The following FRY variants were observed in gnomAD, a reference collection of about 807,000 sequenced individuals.
The protein encoded by FRY is FRY microtubule binding protein.
FRY carries 128 observed loss-of-function variants against 348.4 expected under a neutral mutation model. The ratio of observed to expected loss-of-function variants is 0.37; its 90% CI spans 0.32 to 0.43. FRY has a LOEUF of 0.43. Ranked by LOEUF, FRY falls within the 20% of genes least tolerant of loss-of-function variation. FRY has a pLI of 1.00. For synonymous variants in FRY, 1,370 were observed against 1,374.7 expected, an observed-to-expected ratio of 1.00 and a Z score of 0.08; for missense variants, 2,736 against 3,695.2, an observed-to-expected ratio of 0.74 and a Z score of 6.73.
chr13:32,215,387 C>A (rs1393084878), intron 35 of FRY, among the ~76,000 whole-genome samples: 2 of 151,876 alleles, frequency 1.3e-5, no homozygotes, highest in African/African-American at 4.8e-5. Flanking sequence ...TCACATCTAC[C>A]CTGAAAAATG....
intron 46 of FRY, among the ~76,000 whole-genome samples, chr13:32,242,338 C>T (rs1394915877): frequency 2.0e-5 from 3 of 152,080 alleles, no homozygotes; most frequent in Non-Finnish European, 2.9e-5. Context: ...TAAAGATCCC[C>T]CCATTTGTAA....
chr13:32,194,178 A>T lies in FRY; in HGVS notation c.3627A>T (p.Leu1209=). Residue 1209 remains leucine, a synonymous_variant, in exon 29 of 61, where the codon CTA becomes CTT. Coordinates refer to ENST00000542859, the MANE Select transcript of FRY (RefSeq NM_023037.3). The part of the protein sequence containing the change: ...HQLGCEVVVL[L]LELNPDQINL... Reference sequence around the variant, plus strand: ...TTGGCTGCGAAGTTGTTGTCTTGCTACTGGAACTTAATCCTGACCAAATAA... The same window carrying T: ...TTGGCTGCGAAGTTGTTGTCTTGCTTCTGGAACTTAATCCTGACCAAATAA... The T allele has an allele frequency of 6.2e-7, 1 of 1,614,040 alleles. No individual in the cohort carries two copies. Among genetic ancestry groups the T allele is most frequent in the Non-Finnish European group, 8.5e-7 (1 of 1,179,894 alleles).
chr13:32,134,426 A>G (rs879739595), intron 8 of FRY, among the ~76,000 whole-genome samples: 1 of 152,230 alleles, frequency 6.6e-6, no homozygotes, highest in African/African-American at 2.4e-5. Context: ...CGAACAAGTA[A>G]ACAGCTCTGT....
At chr13:32,199,708 G>A (rs1883892207) in intron 29 of FRY, among the ~76,000 whole-genome samples, 5 of 152,136 alleles carry the variant, frequency 3.3e-5, no homozygotes, top group Admixed American at 2.6e-4. Flanking sequence ...GAATCTTTTA[G>A]AAGAAAAATA....
intron 58 of FRY, among the ~76,000 whole-genome samples, chr13:32,284,027 G>A (rs1182611922): frequency 2.6e-5 from 4 of 152,222 alleles, no homozygotes; most frequent in East Asian, 1.9e-4. Flanking sequence ...TCTGCAGGCA[G>A]TGGCTTTAGT....
chr13:32,202,333 T>C, intron 30 of FRY, 23 bp from the exon 31 acceptor site: 1 of 1,598,728 alleles, frequency 6.3e-7, no homozygotes. Context: ...ATACTACTTT[T>C]TTACTTTCCT....
chr13:32,038,357 C>T (rs574195051), intron 1 of FRY: 33 of 152,178 alleles, frequency 2.2e-4, no homozygotes, highest in African/African-American at 7.5e-4. Flanking sequence ...TACGATTTTC[C>T]GAATTTATTT....
Position 32,234,792 on chromosome 13 carries a change from A to G in FRY, c.5715+31A>G, listed in dbSNP as rs904396683. On this transcript the variant is annotated intron_variant, in intron 42 of 60. Transcript: ENST00000542859. ...GAAGGGAAGACCACTGAGCTCGTGAAGGATGAGCTCTCTCATCTCAATGAG... is the reference window on the plus strand; with the variant it reads ...GAAGGGAAGACCACTGAGCTCGTGAGGGATGAGCTCTCTCATCTCAATGAG... The G allele has an allele frequency of 3.2e-6, 5 of 1,539,458 alleles. No homozygotes were observed. In the African/African-American group the frequency reaches 6.8e-5, roughly 21 times the overall value.
At chr13:32,260,430 C>T (rs1262894993) in intron 51 of FRY, among the ~76,000 whole-genome samples, 1 of 151,900 alleles carries the variant, frequency 6.6e-6, no homozygotes, top group Admixed American at 6.6e-5. Context: ...AACCCAAATC[C>T]ATTTCTAGAA....
intron 1 of FRY, among the ~76,000 whole-genome samples, chr13:32,039,016 A>G (rs1019644685): frequency 6.6e-6 from 1 of 152,170 alleles, no homozygotes; most frequent in Non-Finnish European, 1.5e-5. Context: ...CCAGGACTTC[A>G]GGGATCCTAG....
At chr13:32,097,650 C>T (rs1217519017) in intron 2 of FRY, among the ~76,000 whole-genome samples, 1 of 151,682 alleles carries the variant, frequency 6.6e-6, no homozygotes, top group African/African-American at 2.4e-5. Flanking sequence ...CATAAGCCAC[C>T]GTGCCCGGCC....
rs1211230013 is a variant in FRY, at chr13:32,295,892, TTTC to T, written c.*435_*437del. The stretch of plus-strand genomic sequence containing the variant: ...CTTTCCCTGTCTTGTTCCATTTTCT[TTTC>T]TTTTTTCTTTTTTCTTTTTCCTTTC... On this transcript the variant is annotated 3_prime_UTR_variant, in exon 61 of 61. Coordinates refer to ENST00000542859, the MANE Select transcript of FRY (RefSeq NM_023037.3). The T allele has an allele frequency of 4.2e-5, 7 of 168,024 alleles. No individual in the cohort carries two copies. The highest frequency in any genetic ancestry group is 1.7e-4 in the African/African-American group (7 of 41,738). The allele number at this position is 168,024 out of a possible 1,614,324, so 10.4% of individuals were successfully genotyped here.
intron 47 of FRY, among the ~76,000 whole-genome samples, chr13:32,245,563 G>C (rs1196895839): frequency 6.6e-6 from 1 of 152,130 alleles, no homozygotes; most frequent in Non-Finnish European, 1.5e-5. Context: ...ACAGTGAACT[G>C]TGATCACACC....
intron 1 of FRY, among the ~76,000 whole-genome samples, chr13:32,038,785 A>G (rs1163815897): frequency 6.6e-6 from 1 of 152,154 alleles, no homozygotes; most frequent in Non-Finnish European, 1.5e-5. Flanking sequence ...TTACTACCTA[A>G]GCATTAATTT....
In FRY at chr13:32,194,234, A is replaced by G. The variant is rs768385441; in HGVS notation, c.3683A>G (p.Tyr1228Cys). The change falls in exon 29 of 61, where the codon TAC (tyrosine) becomes TGC (cysteine). Residue 1228 changes from tyrosine (Y) to cysteine (C), a missense_variant. Around this residue, in one of 9 missense-constraint regions of FRY, gnomAD observed 794 missense variants for 977.0 expected, o/e 0.81. Coordinates refer to ENST00000542859, the MANE Select transcript of FRY (RefSeq NM_023037.3). ...TTTAACTGGGCAATTGACCGATGCT[A>G]CACAGGTTCCTACCAACTTGCATCT... ...NLFNWAIDRC[Y>C]TGSYQLASGC... is the part of the protein sequence containing the mutation. 6.2e-7 allele frequency: 1 copy of G among 1,614,116 alleles called. No individual in the cohort carries two copies. The highest frequency in any genetic ancestry group is 8.5e-7 in the Non-Finnish European group (1 of 1,179,946).
At chr13:32,067,722 G>A (rs761125653) in intron 1 of FRY, among the ~76,000 whole-genome samples, 17 of 152,176 alleles carry the variant, frequency 1.1e-4, no homozygotes, top group Non-Finnish European at 2.2e-4. Context: ...AGGTAAGGAC[G>A]CTGAAGCCCA....
At chr13:32,138,006 T>C (rs542036823) in intron 11 of FRY, among the ~76,000 whole-genome samples, 15 of 152,310 alleles carry the variant, frequency 9.8e-5, no homozygotes, top group African/African-American at 3.6e-4. Context: ...TTTCTTCAAA[T>C]TGGCAGTGAA....
intron 60 of FRY, among the ~76,000 whole-genome samples, chr13:32,294,963 T>A (rs182574388): frequency 9.2e-5 from 14 of 152,356 alleles, no homozygotes; most frequent in Non-Finnish European, 1.9e-4. Context: ...GATATTTTTA[T>A]ACTTTTGATA....
intron 1 of FRY, 22 bp downstream of exon 1, chr13:32,031,887 TTTTG>T (rs772549223): frequency 2.3e-5 from 30 of 1,317,818 alleles, no homozygotes; most frequent in South Asian, 4.7e-5. Context: ...AAAATAACCT[TTTTG>T]TTTGTTTGTT....
Sources: gnomAD v4.1 joint callset for allele counts (sites outside exome capture counted in the v4.1 genomes callset) on GRCh38, gnomAD v4.1.1 for gene constraint, gnomAD v4.1.1 regional missense constraint, MANE v1.5 for transcripts, NCBI Gene and HGNC (gene_info 2026-07-23, HGNC 2026-07-21) for gene names.